The following COG5 variants were observed in gnomAD, a reference collection of about 807,000 sequenced individuals.
COG5 encodes the protein conserved oligomeric Golgi complex subunit 5.
COG5 carries 86 observed loss-of-function variants against 110.4 expected under a neutral mutation model. The ratio of observed to expected loss-of-function variants is 0.78; its 90% CI spans 0.65 to 0.93. The LOEUF (loss-of-function observed/expected upper bound fraction) is 0.93. Ranked by LOEUF, COG5 falls within the 40% of genes least tolerant of loss-of-function variation. The pLI is 0.00. For missense variants in COG5, 1,077 were observed against 987.0 expected, an observed-to-expected ratio of 1.09 and a Z score of -1.22; for synonymous variants, 360 against 334.6, an observed-to-expected ratio of 1.08 and a Z score of -0.83.
intron 18 of COG5, among the ~76,000 whole-genome samples, chr7:107,234,434 G>C (rs565311900): frequency 2.0e-5 from 3 of 152,322 alleles, no homozygotes; most frequent in East Asian, 1.9e-4. Context: ...GCTCACCCCT[G>C]CCTCTGGATG....
At chr7:107,457,676 C>G (rs902552107) in intron 6 of COG5, among the ~76,000 whole-genome samples, 1 of 152,080 alleles carries the variant, frequency 6.6e-6, no homozygotes, top group African/African-American at 2.4e-5. Context: ...TGATCCCCCC[C>G]GCCTCAGCCT....
intron 6 of COG5, among the ~76,000 whole-genome samples, chr7:107,512,346 G>A (rs1228778823): frequency 6.6e-6 from 1 of 152,150 alleles, no homozygotes; most frequent in African/African-American, 2.4e-5. Context: ...CAAGGGATGT[G>A]AAGGACCTCT....
chr7:107,324,064 CTG>C (rs1339484248), intron 11 of COG5, among the ~76,000 whole-genome samples: 3 of 152,118 alleles, frequency 2.0e-5, no homozygotes, highest in African/African-American at 7.2e-5. Context: ...TGCAAAGCCT[CTG>C]TATTTTTATA....
chr7:107,524,381 G>C (rs886507388), intron 6 of COG5, among the ~76,000 whole-genome samples: 2 of 152,134 alleles, frequency 1.3e-5, no homozygotes, highest in Non-Finnish European at 2.9e-5. Context: ...TTTCAAGTTT[G>C]AAACATTGCT....
intron 14 of COG5, among the ~76,000 whole-genome samples, chr7:107,272,441 C>G (rs753733529): frequency 6.6e-5 from 10 of 152,166 alleles, no homozygotes; most frequent in Non-Finnish European, 1.3e-4. Flanking sequence ...AAACTGTGCT[C>G]TGACCACCTT....
chr7:107,416,558 C>A (rs1035569071), intron 6 of COG5, among the ~76,000 whole-genome samples: 7 of 152,094 alleles, frequency 4.6e-5, no homozygotes, highest in African/African-American at 1.7e-4. Context: ...AGTATTATAA[C>A]TTATATATGT....
At chr7:107,249,693 TGTGTGTG>T (rs1425171886) in intron 16 of COG5, among the ~76,000 whole-genome samples, 2 of 13,390 alleles carry the variant, frequency 1.5e-4, no homozygotes, top group East Asian at 4.2e-3. Context: ...TACAGGATTG[TGTGTGTG>T]TGTGTGTGTG....
At position 107,221,355 on chromosome 7, in the gene COG5, C is replaced by A. The variant is rs1047932238; in HGVS notation, c.2168+9260G>T. ...GCAGCCATATGGAATCCTATACTAC[C>A]TCTACAACAGGAAGGTGATCAAGAA... is the stretch of plus-strand genomic sequence containing the variant. On this transcript the variant is annotated intron_variant, in intron 19 of 21. Transcript: ENST00000297135. Among the ~76,000 whole-genome samples, 3 of 152,102 alleles carry A rather than the reference C, an allele frequency of 2.0e-5. 1 individual carries two copies. Among genetic ancestry groups the A allele is most frequent in the South Asian group, 4.1e-4 (2 of 4,820 alleles).
intron 6 of COG5, among the ~76,000 whole-genome samples, chr7:107,501,588 G>A (rs1441114509): frequency 6.6e-6 from 1 of 152,052 alleles, no homozygotes; most frequent in Non-Finnish European, 1.5e-5. Flanking sequence ...TATGATAAAA[G>A]AATGAATAGA....
At chr7:107,388,849 A>G (rs1411525797) in intron 7 of COG5, among the ~76,000 whole-genome samples, 1 of 152,128 alleles carries the variant, frequency 6.6e-6, no homozygotes, top group Admixed American at 6.5e-5. Context: ...GGTACCAGAG[A>G]TGAAGGAACT....
At chr7:107,541,523 A>AAAATATATATATAT (rs60423657) in intron 5 of COG5, among the ~76,000 whole-genome samples, 7 of 57,010 alleles carry the variant, frequency 1.2e-4, no homozygotes, top group African/African-American at 3.3e-4. Flanking sequence ...AAAAAAAAAA[A>AAAATATATATATAT]ATATATATAT....
chr7:107,208,529 G>C, intron 21 of COG5: 1 of 985,408 alleles, frequency 1.0e-6, no homozygotes, highest in Non-Finnish European at 1.2e-6. Flanking sequence ...TGTTGCAGCT[G>C]AGTGAATCTT....
At chr7:107,487,462 G>A (rs925271431) in intron 6 of COG5, among the ~76,000 whole-genome samples, 3 of 151,950 alleles carry the variant, frequency 2.0e-5, no homozygotes, top group South Asian at 2.1e-4. Flanking sequence ...TGGGACTCCC[G>A]ACGTATCAGG....
At chr7:107,222,965 G>A (rs1800055297) in intron 19 of COG5, among the ~76,000 whole-genome samples, 1 of 152,004 alleles carries the variant, frequency 6.6e-6, no homozygotes, top group African/African-American at 2.4e-5. Flanking sequence ...TCAGTCTTCT[G>A]ACAGCTTGTT....
intron 14 of COG5, among the ~76,000 whole-genome samples, chr7:107,274,937 G>C (rs1203190209): frequency 6.6e-6 from 1 of 151,248 alleles, no homozygotes; most frequent in Non-Finnish European, 1.5e-5. Context: ...AGTCTGAGAA[G>C]CAAGTCAGAA....
At position 107,211,168 on chromosome 7, in the gene COG5, C is replaced by T. The variant is rs1408643869; in HGVS notation, c.2226G>A (p.Val742=). 6.2e-7 allele frequency: 1 copy of T among 1,614,070 alleles called. No homozygotes were observed. The change falls in exon 20 of 22, where the codon GTG becomes GTA. Residue 742 remains valine (V), a synonymous_variant. Transcript: ENST00000297135. ...ACTGAATAATGATGCTGAACGGAATCACATCCCCCAATGCAGGACTACTGG... is the reference window on the plus strand; with the variant it reads ...ACTGAATAATGATGCTGAACGGAATTACATCCCCCAATGCAGGACTACTGG... The part of the protein sequence containing the change: ...HVASSPALGD[V]IPFSIIIQFL...
intron 6 of COG5, among the ~76,000 whole-genome samples, chr7:107,425,283 G>T (rs535998595): frequency 1.9e-4 from 29 of 150,526 alleles, no homozygotes; most frequent in African/African-American, 7.1e-4. Context: ...TCAATAAAGG[G>T]TCTTATTAAT....
intron 6 of COG5, among the ~76,000 whole-genome samples, chr7:107,442,149 CT>C (rs370765932): frequency 4.5e-4 from 69 of 152,258 alleles, no homozygotes; most frequent in African/African-American, 1.2e-3. Context: ...ACATCCCCCC[CT>C]GTTCTTGTGA....
intron 10 of COG5, among the ~76,000 whole-genome samples, chr7:107,344,088 A>C (rs1294646634): frequency 1.3e-5 from 2 of 152,152 alleles, no homozygotes; most frequent in African/African-American, 4.8e-5. Context: ...CTAAAAATAG[A>C]ATCAGCCTAT....
Sources: allele counts gnomAD v4.1 joint callset (sites outside exome capture counted in the v4.1 genomes callset), GRCh38; gene constraint gnomAD v4.1.1; transcripts MANE v1.5; gene names NCBI Gene and HGNC (gene_info 2026-07-23, HGNC 2026-07-21).